The following B3GALT1 variants were observed in gnomAD, a reference collection of about 807,000 sequenced individuals.
B3GALT1 encodes UDP-Gal:betaGlcNAc beta 1,3-galactosyltransferase, polypeptide 1.
A neutral mutation model predicts 23.2 loss-of-function variants in B3GALT1; 10 were observed. The observed-to-expected ratio is 0.43, with a 90% CI of 0.27 to 0.73. The LOEUF (loss-of-function observed/expected upper bound fraction) is 0.73, where lower values mean the gene tolerates loss of function less well. Ranked by LOEUF, B3GALT1 falls within the 30% of genes least tolerant of loss-of-function variation. The pLI is 0.21. For synonymous variants in B3GALT1, 156 were observed against 141.5 expected, an observed-to-expected ratio of 1.10 and a Z score of -0.73; for missense variants, 299 against 405.4, an observed-to-expected ratio of 0.74 and a Z score of 2.25.
intron 3 of B3GALT1, among the ~76,000 whole-genome samples, chr2:167,805,511 G>A (rs1688733062): frequency 6.6e-6 from 1 of 152,150 alleles, no homozygotes. Flanking sequence ...TGTATAAGGT[G>A]TAAGGAAGAG....
intron 2 of B3GALT1, among the ~76,000 whole-genome samples, chr2:167,604,445 C>T (rs751376477): frequency 2.4e-4 from 36 of 152,192 alleles, no homozygotes; most frequent in Non-Finnish European, 4.9e-4. Context: ...AGGAAATTTA[C>T]ATAGAATCGC....
At chr2:167,460,222 G>A (rs79083596) in intron 1 of B3GALT1, among the ~76,000 whole-genome samples, 1,667 of 152,058 alleles carry the variant, frequency 0.011, 13 homozygotes, top group Non-Finnish European at 0.018. Context: ...CACTTTTCTG[G>A]GAGTTCAACA....
intron 3 of B3GALT1, among the ~76,000 whole-genome samples, chr2:167,754,940 G>A (rs1397776451): frequency 6.6e-6 from 1 of 152,092 alleles, no homozygotes; most frequent in African/African-American, 2.4e-5. Context: ...CAGATGTTTT[G>A]GCTTTGTGTG....
At chr2:167,440,159 T>G (rs1056941390) in intron 1 of B3GALT1, among the ~76,000 whole-genome samples, 1 of 151,746 alleles carries the variant, frequency 6.6e-6, no homozygotes, top group Admixed American at 6.6e-5. Context: ...CTGGCTAACA[T>G]GGTGAAACCC....
chr2:167,564,348 G>T (rs914801719), intron 2 of B3GALT1, among the ~76,000 whole-genome samples: 1 of 149,676 alleles, frequency 6.7e-6, no homozygotes, highest in Non-Finnish European at 1.5e-5. Flanking sequence ...ATGGGACGGC[G>T]GCCGGGCAGA....
At chr2:167,681,158 A>C (rs1232224831) in intron 3 of B3GALT1, among the ~76,000 whole-genome samples, 1 of 152,200 alleles carries the variant, frequency 6.6e-6, no homozygotes, top group African/African-American at 2.4e-5. Flanking sequence ...TGCAGCAAGC[A>C]CACAGCTTGG....
At chr2:167,496,378 G>A (rs1699783570) in intron 2 of B3GALT1, among the ~76,000 whole-genome samples, 2 of 152,116 alleles carry the variant, frequency 1.3e-5, no homozygotes, top group South Asian at 4.1e-4. Context: ...CTTTGAAGAG[G>A]AAAATCAGCC....
chr2:167,380,917 G>A (rs1436763143), intron 1 of B3GALT1, among the ~76,000 whole-genome samples: 1 of 152,020 alleles, frequency 6.6e-6, no homozygotes, highest in African/African-American at 2.4e-5. Context: ...TGACAATTCT[G>A]GTGGATTCCC....
chr2:167,506,908 G>A (rs765733771), intron 2 of B3GALT1, among the ~76,000 whole-genome samples: 7 of 152,098 alleles, frequency 4.6e-5, no homozygotes, highest in Non-Finnish European at 7.4e-5. Context: ...TAAAGTGAGT[G>A]AGTAGAACAT....
At chr2:167,313,074 A>G (rs180715065) in intron 1 of B3GALT1, among the ~76,000 whole-genome samples, 87 of 152,244 alleles carry the variant, frequency 5.7e-4, no homozygotes, top group African/African-American at 1.9e-3. Flanking sequence ...AACTTCATTA[A>G]GCAGTTTTCC....
At chr2:167,713,962 T>G in intron 3 of B3GALT1, 1 of 1,559,872 alleles carries the variant, frequency 6.4e-7, no homozygotes. Flanking sequence ...CTGGAAACAA[T>G]GGACCACTGA....
At chr2:167,303,027 A>G (rs1370779971) in intron 1 of B3GALT1, among the ~76,000 whole-genome samples, 1 of 152,238 alleles carries the variant, frequency 6.6e-6, no homozygotes, top group Non-Finnish European at 1.5e-5. Context: ...TGAACTCTGC[A>G]CAGAATGATT....
chr2:167,387,155 TGGTA>T (rs1697941924), intron 1 of B3GALT1, among the ~76,000 whole-genome samples: 1 of 152,238 alleles, frequency 6.6e-6, no homozygotes, highest in Non-Finnish European at 1.5e-5. Flanking sequence ...TTAAAAGATA[TGGTA>T]GGCTGTCATT....
At chr2:167,693,095 A>G (rs768637543) in intron 3 of B3GALT1, among the ~76,000 whole-genome samples, 5 of 151,960 alleles carry the variant, frequency 3.3e-5, no homozygotes, top group Non-Finnish European at 7.4e-5. Context: ...CAGTGGGAGC[A>G]TTGAGATGTT....
At chr2:167,479,766 G>A (rs1699535820) in intron 1 of B3GALT1, among the ~76,000 whole-genome samples, 2 of 152,010 alleles carry the variant, frequency 1.3e-5, no homozygotes, top group Admixed American at 1.3e-4. Context: ...CGAGACCGTG[G>A]TATTGTAATA....
At position 167,708,799 on chromosome 2, in the gene B3GALT1, C is replaced by A. The variant is rs1687007314; in HGVS notation, c.-352+61833C>A. On this transcript the variant is annotated intron_variant, in intron 3 of 4. Transcript: ENST00000392690. ...AAGCTTATTGATGTGCCCAGTTTCT[C>A]ATTTCTCCTTCCCTCACCAGTGTCT... Among the ~76,000 whole-genome samples the A allele has an allele frequency of 2.0e-5, 3 of 152,190 alleles. No homozygotes were observed. The South Asian group carries it at 6.2e-4, about 32-fold the overall frequency.
At chr2:167,802,118 C>T (rs1296469311) in intron 3 of B3GALT1, among the ~76,000 whole-genome samples, 1 of 152,326 alleles carries the variant, frequency 6.6e-6, no homozygotes, top group South Asian at 2.1e-4. Context: ...TGGGAATATA[C>T]TGTAGACCTG....
chr2:167,528,211 C>G (rs1683254844), intron 2 of B3GALT1, among the ~76,000 whole-genome samples: 1 of 152,156 alleles, frequency 6.6e-6, no homozygotes, highest in Non-Finnish European at 1.5e-5. Context: ...TTTGACTTTC[C>G]TGCTCTTTGT....
In B3GALT1 at chr2:167,713,882, C is replaced by T. The variant is rs923532197; in HGVS notation, c.-352+66916C>T. The T allele has an allele frequency of 8.8e-6, 14 of 1,586,508 alleles. No individual in the cohort carries two copies. The African/African-American group carries it at 1.7e-4, about 20-fold the overall frequency. On this transcript the variant is annotated intron_variant, in intron 3 of 4. Transcript: ENST00000392690. Reference sequence around the variant, plus strand: ...TGATAGAAAATAACCTCGTGAAGCTCCAAACATGGTTCCTGGAGGAGGTTG... The same window carrying T: ...TGATAGAAAATAACCTCGTGAAGCTTCAAACATGGTTCCTGGAGGAGGTTG...
Sources: gnomAD v4.1 joint callset for allele counts (sites outside exome capture counted in the v4.1 genomes callset) on GRCh38, gnomAD v4.1.1 for gene constraint, MANE v1.5 for transcripts, NCBI Gene and HGNC (gene_info 2026-07-23, HGNC 2026-07-21) for gene names.